Variants in FARS2 observed in about 807,000 individuals in gnomAD.
FARS2 encodes the protein phenylalanine--tRNA ligase, mitochondrial.
FARS2 carries 40 observed loss-of-function variants against 46.4 expected under a neutral mutation model. That is an observed-to-expected ratio of 0.86 (90% CI 0.67 to 1.12). The LOEUF is 1.12. FARS2 is among the 50% of genes most tolerant of loss of function. The probability of loss-of-function intolerance (pLI) is 0.00; values close to 1 mark genes in which losing one functional copy is unlikely to be tolerated. For missense variants in FARS2, 513 were observed against 567.9 expected (o/e 0.90, Z 0.98); for synonymous variants, 234 against 214.9 (o/e 1.09, Z -0.78).
intron 1 of FARS2, among the ~76,000 whole-genome samples, chr6:5,312,021 C>T (rs193214438): frequency 6.6e-6 from 1 of 152,258 alleles, no homozygotes; most frequent in African/African-American, 2.4e-5. Flanking sequence ...AAACATTCAT[C>T]CACAAACCAT....
chr6:5,274,998 T>A (rs562121566), intron 1 of FARS2, among the ~76,000 whole-genome samples: 1 of 152,350 alleles, frequency 6.6e-6, no homozygotes, highest in East Asian at 1.9e-4. Flanking sequence ...ATTACAGGTG[T>A]GAGCCTGGCC....
chr6:5,260,708 A>C, upstream of FARS2: 1 of 1,552,740 alleles, frequency 6.4e-7, no homozygotes, highest in Non-Finnish European at 8.7e-7. Context: ...CAGAGATAAC[A>C]CTTGTGCGCG....
At chr6:5,445,413 A>G (rs893722471) in intron 4 of FARS2, among the ~76,000 whole-genome samples, 1 of 152,082 alleles carries the variant, frequency 6.6e-6, no homozygotes, top group East Asian at 1.9e-4. Flanking sequence ...TTTTTCTTAT[A>G]TCATTTTTTT....
At chr6:5,587,937 G>A (rs1487069941) in intron 5 of FARS2, among the ~76,000 whole-genome samples, 1 of 152,136 alleles carries the variant, frequency 6.6e-6, no homozygotes, top group African/African-American at 2.4e-5. Flanking sequence ...ATGGGATAGT[G>A]TATGTAAATT....
chr6:5,296,211 A>G (rs961206296), intron 1 of FARS2, among the ~76,000 whole-genome samples: 25 of 119,626 alleles, frequency 2.1e-4, no homozygotes, highest in African/African-American at 2.6e-4. Flanking sequence ...GTGGGATCTC[A>G]GCTCACTGCA....
rs747278433 is a variant in FARS2 at position 5,431,142 on chromosome 6, G to A, written c.874G>A (p.Gly292Arg). ...AGAATGGCTGGAAGTTCTTGGCTGC[G>A]GGGTGATGGAACAACAACTGGTCAA... is the stretch of plus-strand genomic sequence containing the variant. ...HGEWLEVLGC[G>R]VMEQQLVNSA... The change falls in exon 4 of 7, where the codon GGG becomes AGG. Residue 292 changes from glycine to arginine, a missense_variant. Gly to Arg is a moderately radical substitution (Grantham distance 125). Transcript: ENST00000274680. 2.7e-5 allele frequency: 43 copies of A among 1,613,714 alleles called. No individual in the cohort carries two copies. The highest frequency in any genetic ancestry group is 5.0e-5 in the Admixed American group (3 of 59,990).
intron 5 of FARS2, among the ~76,000 whole-genome samples, chr6:5,603,862 T>C (rs1774679655): frequency 6.6e-6 from 1 of 152,190 alleles, no homozygotes; most frequent in Non-Finnish European, 1.5e-5. Context: ...GGAACACAAG[T>C]CAATCCATAA....
rs560304770 is a variant in FARS2 at position 5,645,253 on chromosome 6, A to G, written c.1217+31933A>G. ...GTGCATTTACCTGCTTGCAGGCAGA[A>G]TTAAAACAGCCAGAATGTGCTTTAA... On this transcript the variant is annotated intron_variant, in intron 6 of 6. Coordinates refer to ENST00000274680, the MANE Select transcript of FARS2 (RefSeq NM_006567.5). 3.3e-5 allele frequency among the ~76,000 whole-genome samples: 5 copies of G among 152,334 alleles called. No homozygotes were observed. In the South Asian group the frequency reaches 1.0e-3, roughly 32 times the overall value.
intron 4 of FARS2, among the ~76,000 whole-genome samples, chr6:5,465,113 A>G (rs993094564): frequency 6.6e-6 from 1 of 152,190 alleles, no homozygotes; most frequent in Non-Finnish European, 1.5e-5. Context: ...CTTGAAAGGA[A>G]TAGATATGTG....
chr6:5,316,316 G>C (rs1216223373), intron 1 of FARS2, among the ~76,000 whole-genome samples: 1 of 152,148 alleles, frequency 6.6e-6, no homozygotes, highest in African/African-American at 2.4e-5. Context: ...ATATGTTTTG[G>C]AAGTTGTGAA....
chr6:5,296,057 A>G (rs575826709), intron 1 of FARS2, among the ~76,000 whole-genome samples: 1 of 139,948 alleles, frequency 7.1e-6, no homozygotes, highest in African/African-American at 2.7e-5. Flanking sequence ...GGTAGGTACT[A>G]TTCTTTCTCA....
intron 2 of FARS2, among the ~76,000 whole-genome samples, chr6:5,399,851 A>G (rs1473011344): frequency 6.6e-6 from 1 of 152,184 alleles, no homozygotes; most frequent in Non-Finnish European, 1.5e-5. Context: ...GTATAGGTAG[A>G]CCATAGTTTA....
At chr6:5,561,721 G>A (rs559180213) in intron 5 of FARS2, among the ~76,000 whole-genome samples, 1 of 152,124 alleles carries the variant, frequency 6.6e-6, no homozygotes, top group African/African-American at 2.4e-5. Context: ...AAAAGTCTGA[G>A]TTATTACTCT....
chr6:5,771,366 G>T lies in FARS2; in HGVS notation c.1293G>T (p.Arg431Ser), dbSNP rs749743875. The change falls in exon 7 of 7, where the codon AGG (arginine) becomes AGT (serine). Residue 431 changes from arginine to serine, a missense_variant. By Grantham distance (110) the Arg-to-Ser change is moderately radical. Coordinates refer to ENST00000274680, the MANE Select transcript of FARS2 (RefSeq NM_006567.5). ...GGACTCTGTCCCAGAGAGAGGTCAG[G>T]CACATCCACCAGGCCTTGCAGGAGG... ...MERTLSQREV[R>S]HIHQALQEAA... 53 of 1,614,132 alleles carry T rather than the reference G, an allele frequency of 3.3e-5. No individual in the cohort carries two copies. The highest frequency in any genetic ancestry group is 4.2e-5 in the Non-Finnish European group (49 of 1,180,052).
At chr6:5,556,764 G>T (rs940270919) in intron 5 of FARS2, among the ~76,000 whole-genome samples, 8 of 150,518 alleles carry the variant, frequency 5.3e-5, no homozygotes, top group African/African-American at 2.0e-4. Context: ...TAGATTGGAA[G>T]AATGTTAAAC....
intron 6 of FARS2, among the ~76,000 whole-genome samples, chr6:5,646,580 G>A (rs911105985): frequency 2.0e-5 from 3 of 152,098 alleles, no homozygotes; most frequent in South Asian, 2.1e-4. Flanking sequence ...AACTACAGTT[G>A]GACTTTGGTA....
At chr6:5,302,366 G>C (rs1476203854) in intron 1 of FARS2, among the ~76,000 whole-genome samples, 1 of 152,200 alleles carries the variant, frequency 6.6e-6, no homozygotes, top group African/African-American at 2.4e-5. Flanking sequence ...AGGCTTTGCT[G>C]TCCAGAGAGA....
chr6:5,341,592 C>T (rs1236969816), intron 1 of FARS2, among the ~76,000 whole-genome samples: 1 of 151,756 alleles, frequency 6.6e-6, no homozygotes, highest in Non-Finnish European at 1.5e-5. Context: ...GATCTTGGCT[C>T]ACTACAACCT....
intron 1 of FARS2, among the ~76,000 whole-genome samples, chr6:5,366,604 G>T (rs1207684689): frequency 6.6e-6 from 1 of 152,110 alleles, no homozygotes; most frequent in Admixed American, 6.5e-5. Flanking sequence ...CGTGAGGAGA[G>T]CAAGGAAGGG....
Sources: allele counts gnomAD v4.1 joint callset (sites outside exome capture counted in the v4.1 genomes callset), GRCh38; gene constraint gnomAD v4.1.1; transcripts MANE v1.5; gene names NCBI Gene and HGNC (gene_info 2026-07-23, HGNC 2026-07-21).